USP13: variants seen among roughly 807,000 people sequenced by gnomAD.
The protein encoded by USP13 is ubiquitin specific peptidase 13.
In USP13, 68 loss-of-function variants were observed where a neutral mutation model predicts 107.8. The ratio of observed to expected loss-of-function variants is 0.63; its 90% CI spans 0.52 to 0.77. USP13 has a LOEUF of 0.77. Ranked by LOEUF, USP13 falls within the 30% of genes least tolerant of loss-of-function variation. The pLI is 0.00. For synonymous variants in USP13, 377 were observed against 389.5 expected, an observed-to-expected ratio of 0.97 and a Z score of 0.38; for missense variants, 945 against 1,093.3, an observed-to-expected ratio of 0.86 and a Z score of 1.91.
intron 4 of USP13, among the ~76,000 whole-genome samples, chr3:179,701,944 T>G (rs9833938): frequency 0.091 from 13,899 of 152,248 alleles, 849 homozygotes; most frequent in African/African-American, 0.18. Context: ...TTCCTGCTCT[T>G]TGCTCATTTC....
At chr3:179,658,038 G>T (rs1720333869) in intron 1 of USP13, among the ~76,000 whole-genome samples, 1 of 152,090 alleles carries the variant, frequency 6.6e-6, no homozygotes, top group African/African-American at 2.4e-5. Context: ...TCTCTGGCTT[G>T]TCCATGTGTA....
rs1720165392 is a variant in USP13, at chr3:179,653,709, T to G, written c.168+316T>G. 3.7e-6 allele frequency: 1 copy of G among 273,346 alleles called. No homozygotes were observed. The highest frequency in any genetic ancestry group is 8.4e-5 in the East Asian group (1 of 11,870). 16.9% of individuals were successfully genotyped at this position (273,346 alleles called of 1,614,324 possible). On this transcript the variant is annotated intron_variant, in intron 1 of 20. Coordinates refer to ENST00000263966, the MANE Select transcript of USP13 (RefSeq NM_003940.3). This position sits in a 1 kb window ranked among gnomAD's most constrained non-coding sequence, Gnocchi z 4.0. ...GAGTTCCCTGTTCCGAACTGCACGT[T>G]GCAGATCGTTTGCGTCCTCCGCGGG...
intron 15 of USP13, among the ~76,000 whole-genome samples, chr3:179,756,806 A>T (rs1301086406): frequency 6.6e-6 from 1 of 152,110 alleles, no homozygotes; most frequent in Non-Finnish European, 1.5e-5. Flanking sequence ...CATAATAGGG[A>T]AATAGTAGTT....
In USP13 at chr3:179,765,608, GC is replaced by G; in HGVS notation, c.2260-85del. On this transcript the variant is annotated intron_variant, in intron 18 of 20. Transcript: ENST00000263966. The stretch of plus-strand genomic sequence containing the variant: ...TTAATTCAGACCTCCTTCCCTATCT[GC>G]CTGACATCTAGTTGAAATGGTCAGG... 11 of 1,493,950 alleles carry G rather than the reference GC, an allele frequency of 7.4e-6. 1 individual carries two copies. In the South Asian group the frequency reaches 1.5e-4, roughly 20 times the overall value. The allele number at this position is 1,493,950 out of a possible 1,614,324, so 92.5% of individuals were successfully genotyped here. A position where few individuals can be genotyped will look rare whatever the true frequency, so the allele number is the denominator to read the frequency against.
intron 19 of USP13, among the ~76,000 whole-genome samples, chr3:179,779,728 A>AC (rs1314214049): frequency 1.3e-5 from 2 of 151,712 alleles, no homozygotes; most frequent in Admixed American, 6.6e-5. Flanking sequence ...TTAAAAAAAA[A>AC]AAAAAAAAAG....
At position 179,727,898 on chromosome 3, in the gene USP13, G is replaced by A. The variant is rs1382214593; in HGVS notation, c.1089-2291G>A. Among the ~76,000 whole-genome samples, 12 of 66,610 alleles carry A rather than the reference G, an allele frequency of 1.8e-4. 3 individuals are homozygous for A. Among genetic ancestry groups the A allele is most frequent in the South Asian group, 6.0e-4 (1 of 1,676 alleles). The allele number at this position is 66,610 out of a possible 152,430, so 43.7% of individuals were successfully genotyped here. ...CGGGCAGAGGCGCCCCTCACCTCCC[G>A]GACGGGGCGGCTGGCCAGGTGGGGG... On this transcript the variant is annotated intron_variant, in intron 8 of 20. Coordinates refer to ENST00000263966, the MANE Select transcript of USP13 (RefSeq NM_003940.3).
At chr3:179,722,979 G>A (rs377153349) in intron 8 of USP13, among the ~76,000 whole-genome samples, 1 of 152,208 alleles carries the variant, frequency 6.6e-6, no homozygotes, top group Non-Finnish European at 1.5e-5. Flanking sequence ...GGGAGCTATA[G>A]AGCCCAGGGG....
intron 19 of USP13, among the ~76,000 whole-genome samples, chr3:179,773,637 A>C (rs1715407510): frequency 6.6e-6 from 1 of 152,142 alleles, no homozygotes; most frequent in African/African-American, 2.4e-5. Context: ...AAAACTCATT[A>C]ATTAATGAGA....
rs762062488 is a variant in USP13 at position 179,706,993 on chromosome 3, A to G, written c.537A>G (p.Pro179=). The G allele has an allele frequency of 6.2e-7, 1 of 1,614,192 alleles. No homozygotes were observed. Among genetic ancestry groups the G allele is most frequent in the Non-Finnish European group, 8.5e-7 (1 of 1,180,026 alleles). The change falls in exon 5 of 21, where the codon CCA becomes CCG. Residue 179 remains proline (P), a synonymous_variant. Transcript: ENST00000263966. The part of the protein sequence containing the change: ...SSKSPYRKQD[P]DTWENELPVS... ...AATCTCCATACAGAAAGCAGGACCC[A>G]GACACGTGGGAAAATGAATTGCCAG...
In USP13 at chr3:179,708,797, C is replaced by A. The variant is rs1289725827; in HGVS notation, c.645C>A (p.Asp215Glu). ...GTGGTTGGAAGTGTGCCAGATGCGA[C>A]CTGCGAGAAAACCTCTGGTTGAATC... ...PPSGWKCARCDLRENLWLNLT... is the reference protein window; with the variant it reads ...PPSGWKCARCELRENLWLNLT... Residue 215 changes from aspartate (D) to glutamate (E), a missense_variant, in exon 6 of 21, where the codon GAC becomes GAA. Physicochemically the swap from Asp to Glu is conservative, Grantham distance 45. Transcript: ENST00000263966. 4 of 1,614,056 alleles carry A rather than the reference C, an allele frequency of 2.5e-6. No individual in the cohort carries two copies. The African/African-American group carries it at 5.3e-5, about 22-fold the overall frequency.
chr3:179,712,030 G>T (rs1712949334), intron 6 of USP13, among the ~76,000 whole-genome samples: 1 of 152,146 alleles, frequency 6.6e-6, no homozygotes, highest in Admixed American at 6.5e-5. Flanking sequence ...CTAGGTGGCA[G>T]GAATTTTTCA....
rs17788187 is a variant in USP13 at position 179,706,622 on chromosome 3, G to C, written c.478-312G>C. The stretch of plus-strand genomic sequence containing the variant: ...GTATCTAATTTCACCCTTGCAAATT[G>C]TTCACCTCCTACTTTTCACCCTGCT... On this transcript the variant is annotated intron_variant, in intron 4 of 20. Transcript: ENST00000263966. Among the ~76,000 whole-genome samples, 79 of 152,192 alleles carry C rather than the reference G, an allele frequency of 5.2e-4. 1 individual carries two copies. Among genetic ancestry groups the C allele is most frequent in the Non-Finnish European group, 1.0e-4 (7 of 67,992 alleles).
chr3:179,681,100 G>A (rs1232826893), intron 1 of USP13, among the ~76,000 whole-genome samples: 1 of 152,078 alleles, frequency 6.6e-6, no homozygotes, highest in Non-Finnish European at 1.5e-5. Context: ...CACTGTGAAC[G>A]TAGCCAGCAT....
At chr3:179,759,302 A>G (rs1368279533) in intron 16 of USP13, among the ~76,000 whole-genome samples, 2 of 152,184 alleles carry the variant, frequency 1.3e-5, no homozygotes, top group Non-Finnish European at 2.9e-5. Flanking sequence ...TTTCTGGTCT[A>G]ATATTATAAA....
Position 179,760,353 on chromosome 3 carries a change from G to T in USP13, c.1949-759G>T, listed in dbSNP as rs1390929193. On this transcript the variant is annotated intron_variant, in intron 16 of 20. Coordinates refer to ENST00000263966, the MANE Select transcript of USP13 (RefSeq NM_003940.3). ...GGCTGGACTGCAGTGGCGCTATCCC[G>T]GCTCACTGCAAGCTCCGCCTCCTGA... is the stretch of plus-strand genomic sequence containing the variant. 2.1e-5 allele frequency among the ~76,000 whole-genome samples: 3 copies of T among 140,762 alleles called. No individual in the cohort carries two copies. In the Admixed American group the frequency reaches 2.3e-4, roughly 11 times the overall value. 92.3% of individuals were successfully genotyped at this position (140,762 alleles called of 152,430 possible).
rs2108494873 is a variant in USP13, at chr3:179,721,642, G to A, written c.1088+53G>A. 1.3e-6 allele frequency: 2 copies of A among 1,574,638 alleles called. No homozygotes were observed. On this transcript the variant is annotated intron_variant, in intron 8 of 20. Coordinates refer to ENST00000263966, the MANE Select transcript of USP13 (RefSeq NM_003940.3). This position sits in a 1 kb window ranked among gnomAD's most constrained non-coding sequence, Gnocchi z 4.3. The stretch of plus-strand genomic sequence containing the variant: ...ACGCGGCACCTCCCTGCCCCATCTA[G>A]GTCCAGTCCACTCAGTGTGCGCTGC...
Position 179,721,675 on chromosome 3 carries a change from A to G in USP13, c.1088+86A>G. On this transcript the variant is annotated intron_variant, in intron 8 of 20. Coordinates refer to ENST00000263966, the MANE Select transcript of USP13 (RefSeq NM_003940.3). The surrounding 1 kb of genome is among the most constrained non-coding windows in gnomAD (Gnocchi z 4.3). ...CCACTCAGTGTGCGCTGCGAAGCCC[A>G]TCTTTATTGCTTCAGGACATTTTGC... is the stretch of plus-strand genomic sequence containing the variant. 3.5e-6 allele frequency: 5 copies of G among 1,437,412 alleles called. No individual in the cohort carries two copies. Among genetic ancestry groups the G allele is most frequent in the South Asian group, 2.7e-5 (2 of 72,930 alleles). The allele number at this position is 1,437,412 out of a possible 1,614,324, so 89.0% of individuals were successfully genotyped here. A position where few individuals can be genotyped will look rare whatever the true frequency, so the allele number is the denominator to read the frequency against.
At chr3:179,690,735 G>A (rs1482116830) in intron 3 of USP13, among the ~76,000 whole-genome samples, 1 of 152,108 alleles carries the variant, frequency 6.6e-6, no homozygotes, top group Non-Finnish European at 1.5e-5. Flanking sequence ...ACCACGACTG[G>A]CTAATTTTTT....
chr3:179,762,556 G>A (rs1349956711), intron 17 of USP13, among the ~76,000 whole-genome samples: 3 of 152,028 alleles, frequency 2.0e-5, no homozygotes, highest in South Asian at 4.2e-4. Flanking sequence ...CCTCCAGCCT[G>A]GGCAACAGAG....
Sources: gnomAD v4.1 joint callset for allele counts (sites outside exome capture counted in the v4.1 genomes callset) on GRCh38, gnomAD v4.1.1 for gene constraint, Gnocchi (gnomAD v3.1) non-coding constraint, MANE v1.5 for transcripts, NCBI Gene and HGNC (gene_info 2026-07-23, HGNC 2026-07-21) for gene names.